PRSS23: variants seen among roughly 807,000 people sequenced by gnomAD.
PRSS23 encodes protease, serine 23.
A neutral mutation model predicts 34.7 loss-of-function variants in PRSS23; 25 were observed. That is an observed-to-expected ratio of 0.72 (90% CI 0.53 to 1.01). The LOEUF (loss-of-function observed/expected upper bound fraction) is 1.01. Ranked by LOEUF, PRSS23 falls within the 50% of genes least tolerant of loss-of-function variation. The probability of loss-of-function intolerance (pLI) is 0.00; values close to 1 mark genes in which losing one functional copy is unlikely to be tolerated. For synonymous variants in PRSS23, 176 were observed against 186.6 expected, an observed-to-expected ratio of 0.94 and a Z score of 0.46; for missense variants, 445 against 475.6, an observed-to-expected ratio of 0.94 and a Z score of 0.60.
intron 2 of PRSS23, among the ~76,000 whole-genome samples, chr11:86,895,047 C>T (rs149872740): frequency 1.3e-5 from 2 of 152,284 alleles, no homozygotes; most frequent in African/African-American, 2.4e-5. Flanking sequence ...TCTTTGATGA[C>T]ATTACAGTGA....
chr11:86,875,944 T>A (rs958896750), intron 2 of PRSS23, among the ~76,000 whole-genome samples: 2 of 152,212 alleles, frequency 1.3e-5, no homozygotes, highest in Non-Finnish European at 2.9e-5. Context: ...TGTGCAAGAA[T>A]CCATAATTAA....
At chr11:86,943,805 A>G (rs1010192888) in intron 2 of PRSS23, among the ~76,000 whole-genome samples, 1 of 151,830 alleles carries the variant, frequency 6.6e-6, no homozygotes, top group African/African-American at 2.4e-5. Context: ...GTGCAATGGC[A>G]CGATCTCGGC....
At position 86,942,696 on chromosome 11, in the gene PRSS23, C is replaced by T. The variant is rs542000081; in HGVS notation, c.207-8520C>T. On this transcript the variant is annotated intron_variant, in intron 2 of 2. Coordinates refer to the PRSS23 transcript ENST00000533902. Reference sequence around the variant, plus strand: ...CATGAGGGTAAATAAATCTATGGGCCCTCTTAGCCTAAAGATGAAATGACT... The same window carrying T: ...CATGAGGGTAAATAAATCTATGGGCTCTCTTAGCCTAAAGATGAAATGACT... 3.3e-5 allele frequency among the ~76,000 whole-genome samples: 5 copies of T among 152,180 alleles called. No individual in the cohort carries two copies. The South Asian group carries it at 1.0e-3, about 32-fold the overall frequency.
chr11:86,892,105 C>G (rs1397366103), intron 2 of PRSS23: 1 of 152,280 alleles, frequency 6.6e-6, no homozygotes, highest in Non-Finnish European at 1.5e-5. Context: ...GCTTTCACAT[C>G]AAGCCTCATA....
intron 2 of PRSS23, among the ~76,000 whole-genome samples, chr11:86,888,800 T>A (rs1252438596): frequency 6.6e-6 from 1 of 152,248 alleles, no homozygotes; most frequent in Non-Finnish European, 1.5e-5. Context: ...TTCATGCTGA[T>A]AGCACAGTTA....
chr11:86,875,854 C>T (rs1464995712), intron 2 of PRSS23, among the ~76,000 whole-genome samples: 2 of 152,196 alleles, frequency 1.3e-5, no homozygotes, highest in Non-Finnish European at 2.9e-5. Flanking sequence ...CTATCATTCT[C>T]ACAACCAACT....
chr11:86,818,931 G>A (rs1226123370), intron 1 of PRSS23, among the ~76,000 whole-genome samples: 1 of 152,112 alleles, frequency 6.6e-6, no homozygotes, highest in Non-Finnish European at 1.5e-5. Context: ...TTTTAACTTT[G>A]CCAACTCCTT....
chr11:86,892,315 C>T (rs148813330), intron 2 of PRSS23: 3 of 152,298 alleles, frequency 2.0e-5, no homozygotes, highest in African/African-American at 7.2e-5. Flanking sequence ...TCTTTTCTCT[C>T]TCTGCCATCT....
downstream of PRSS23, among the ~76,000 whole-genome samples, chr11:86,813,862 G>A (rs937211074): frequency 6.6e-6 from 1 of 152,184 alleles, no homozygotes; most frequent in African/African-American, 2.4e-5. Flanking sequence ...GTGGCAATGG[G>A]AAAACTAGTA....
At chr11:86,862,297 G>A (rs1948621671) in intron 2 of PRSS23, among the ~76,000 whole-genome samples, 1 of 151,572 alleles carries the variant, frequency 6.6e-6, no homozygotes, top group South Asian at 2.1e-4. Flanking sequence ...TGTGACAGCG[G>A]GTGTACATCC....
chr11:86,805,080 G>A (rs1948083729), intron 1 of PRSS23, among the ~76,000 whole-genome samples: 1 of 152,166 alleles, frequency 6.6e-6, no homozygotes, highest in Non-Finnish European at 1.5e-5. Context: ...ATTACTCAAA[G>A]GGAGGAGAGA....
intron 1 of PRSS23, among the ~76,000 whole-genome samples, chr11:86,803,856 G>A (rs1022091493): frequency 3.3e-5 from 5 of 152,192 alleles, no homozygotes; most frequent in African/African-American, 1.2e-4. Context: ...GTTGCAGACT[G>A]ATCAGGGAAA....
intron 2 of PRSS23, among the ~76,000 whole-genome samples, chr11:86,860,991 A>G (rs1457142926): frequency 6.6e-6 from 1 of 151,092 alleles, no homozygotes; most frequent in East Asian, 2.0e-4. Flanking sequence ...ACTGTTCCTA[A>G]TATCCACCGG....
intron 2 of PRSS23, chr11:86,909,334 G>T (rs1948963088): frequency 6.6e-6 from 1 of 152,196 alleles, no homozygotes; most frequent in African/African-American, 2.4e-5. Flanking sequence ...CTCTCCCATG[G>T]GTTCCTGATA....
At chr11:86,796,805 T>C (rs1360361282), upstream of PRSS23, among the ~76,000 whole-genome samples, 1 of 152,238 alleles carries the variant, frequency 6.6e-6, no homozygotes, top group Non-Finnish European at 1.5e-5. Context: ...TTTCTTCTTG[T>C]CTGTGTTACA....
intron 2 of PRSS23, chr11:86,941,065 G>C (rs1949204033): frequency 6.6e-6 from 1 of 152,122 alleles, no homozygotes; most frequent in African/African-American, 2.4e-5. Flanking sequence ...TCTGAATTCT[G>C]GGGGTGGTTT....
At chr11:86,856,029 TG>T (rs1164446557) in intron 2 of PRSS23, among the ~76,000 whole-genome samples, 1 of 152,218 alleles carries the variant, frequency 6.6e-6, no homozygotes, top group Non-Finnish European at 1.5e-5. Flanking sequence ...TGTCTCAGAA[TG>T]TGAAACTTTA....
chr11:86,937,597 T>C (rs1459415708), intron 2 of PRSS23: 1 of 152,178 alleles, frequency 6.6e-6, no homozygotes, highest in Non-Finnish European at 1.5e-5. Flanking sequence ...CCTCTGGTTG[T>C]CCTCACTGCT....
intron 1 of PRSS23, among the ~76,000 whole-genome samples, chr11:86,822,635 A>AG: frequency 6.6e-6 from 1 of 151,960 alleles, no homozygotes; most frequent in African/African-American, 2.4e-5. Flanking sequence ...AAAAAAAAAA[A>AG]AAAAATGCAG....
Sources: gnomAD v4.1 joint callset for allele counts (sites outside exome capture counted in the v4.1 genomes callset) on GRCh38, gnomAD v4.1.1 for gene constraint, MANE v1.5 for transcripts, NCBI Gene and HGNC (gene_info 2026-07-23, HGNC 2026-07-21) for gene names.